The following OSBP variants were observed in gnomAD, a reference collection of about 807,000 sequenced individuals.
OSBP encodes oxysterol-binding protein 1.
In OSBP, 32 loss-of-function variants were observed where a neutral mutation model predicts 96.6. That is an observed-to-expected ratio of 0.33 (90% CI 0.25 to 0.45). OSBP has a LOEUF of 0.45. Ranked by LOEUF, OSBP falls within the 20% of genes least tolerant of loss-of-function variation. The pLI, the probability that OSBP is intolerant of heterozygous loss-of-function variation, is 1.00. For missense variants in OSBP, 653 were observed against 1,029.7 expected, an observed-to-expected ratio of 0.63 and a Z score of 5.01; for synonymous variants, 369 against 389.6, an observed-to-expected ratio of 0.95 and a Z score of 0.62.
chr11:59,583,765 C>T (rs1411235920), intron 9 of OSBP, among the ~76,000 whole-genome samples: 1 of 150,816 alleles, frequency 6.6e-6, no homozygotes, highest in Non-Finnish European at 1.5e-5. Flanking sequence ...CTCAGCCTCC[C>T]GAGTAGCTGG....
rs1860353050 is a variant in OSBP, at chr11:59,575,639, G to T, written c.*938C>A. On this transcript the variant is annotated 3_prime_UTR_variant, in exon 14 of 14. Coordinates refer to ENST00000263847, the MANE Select transcript of OSBP (RefSeq NM_002556.3). ...TTAACTTCTGCTCTCAAATTCTGAA[G>T]TATATCAGAATGGGACAGGCAATGT... is the stretch of plus-strand genomic sequence containing the variant. The T allele has an allele frequency of 6.6e-6, 1 of 152,602 alleles. No homozygotes were observed. The highest frequency in any genetic ancestry group is 2.1e-4 in the South Asian group (1 of 4,824). 9.5% of individuals were successfully genotyped at this position (152,602 alleles called of 1,614,324 possible).
chr11:59,599,998 G>A (rs996859363), intron 7 of OSBP, among the ~76,000 whole-genome samples: 4 of 152,204 alleles, frequency 2.6e-5, no homozygotes, highest in Non-Finnish European at 4.4e-5. Context: ...AGACAGACTG[G>A]AGGAAGACAT....
chr11:59,598,288 C>A (rs774724735), intron 7 of OSBP, among the ~76,000 whole-genome samples: 1 of 152,180 alleles, frequency 6.6e-6, no homozygotes, highest in Non-Finnish European at 1.5e-5. Context: ...TCACAAGGAA[C>A]GCAGTCTATG....
At chr11:59,594,586 A>C (rs1404362754) in intron 7 of OSBP, among the ~76,000 whole-genome samples, 1 of 152,260 alleles carries the variant, frequency 6.6e-6, no homozygotes, top group African/African-American at 2.4e-5. Flanking sequence ...GTTTTTTAAA[A>C]AAGAAATGCA....
intron 1 of OSBP, among the ~76,000 whole-genome samples, chr11:59,611,195 T>C (rs1234668062): frequency 6.7e-6 from 1 of 149,830 alleles, no homozygotes; most frequent in Non-Finnish European, 1.5e-5. Context: ...TACTGAGGTA[T>C]AACTACATGC....
chr11:59,607,297 A>C (rs979724405), intron 3 of OSBP, among the ~76,000 whole-genome samples: 4 of 152,208 alleles, frequency 2.6e-5, no homozygotes, highest in Non-Finnish European at 5.9e-5. Flanking sequence ...GGAATACACG[A>C]CCAGACATCA....
intron 3 of OSBP, among the ~76,000 whole-genome samples, chr11:59,608,078 CAG>C (rs2134675278): frequency 6.6e-6 from 1 of 152,214 alleles, no homozygotes; most frequent in African/African-American, 2.4e-5. Context: ...GGAAGGGACT[CAG>C]GGAGATCTTT....
chr11:59,582,641 G>A (rs1860434908), intron 9 of OSBP, among the ~76,000 whole-genome samples: 1 of 152,200 alleles, frequency 6.6e-6, no homozygotes, highest in Non-Finnish European at 1.5e-5. Context: ...TGAACTTATA[G>A]CCAGTTATCA....
intron 4 of OSBP, 106 bp downstream of exon 4, chr11:59,601,534 A>G: frequency 8.4e-7 from 1 of 1,184,138 alleles, no homozygotes; most frequent in Non-Finnish European, 1.2e-6. Context: ...TTCCAATTCC[A>G]TTTCACATGA....
intron 7 of OSBP, among the ~76,000 whole-genome samples, chr11:59,599,379 G>A (rs1860692962): frequency 6.6e-6 from 1 of 152,090 alleles, no homozygotes; most frequent in Non-Finnish European, 1.5e-5. Flanking sequence ...GGGCCTTAGT[G>A]TGATGACCCC....
Position 59,601,984 on chromosome 11 carries a change from G to A in OSBP, c.823-146C>T, listed in dbSNP as rs551742723. 8.3e-5 allele frequency: 56 copies of A among 671,164 alleles called. 1 individual carries two copies. The South Asian group carries it at 1.1e-3, about 13-fold the overall frequency. 41.6% of individuals were successfully genotyped at this position (671,164 alleles called of 1,614,324 possible). On this transcript the variant is annotated intron_variant, in intron 3 of 13. Coordinates refer to ENST00000263847, the MANE Select transcript of OSBP (RefSeq NM_002556.3). ...CTTTCCCTTTTATGCCAAGGTATCA[G>A]GGACAGCTAGCTCCACGCTGAAATC...
intron 3 of OSBP, among the ~76,000 whole-genome samples, chr11:59,606,194 C>T (rs1860777970): frequency 1.3e-5 from 2 of 152,164 alleles, no homozygotes; most frequent in Non-Finnish European, 2.9e-5. Flanking sequence ...CATATCTGCC[C>T]TCAGCAATAT....
At chr11:59,603,594 T>A (rs1297773784) in intron 3 of OSBP, among the ~76,000 whole-genome samples, 2 of 144,976 alleles carry the variant, frequency 1.4e-5, no homozygotes, top group African/African-American at 5.1e-5. Flanking sequence ...TGGAGTGCAG[T>A]GGCACAATCA....
intron 11 of OSBP, among the ~76,000 whole-genome samples, chr11:59,579,966 C>G (rs572942486): frequency 1.1e-3 from 161 of 152,274 alleles, no homozygotes; most frequent in Middle Eastern, 6.8e-3. Flanking sequence ...TCTGCCTCAG[C>G]CTCCCAAAGT....
In OSBP at chr11:59,594,624, G is replaced by A. The variant is rs149292173; in HGVS notation, c.1312-369C>T. ...GTATTTTAGCACAAGTATACCCAGAGAGGAAATCAGGTATTTAAAATTCTT... is the reference window on the plus strand; with the variant it reads ...GTATTTTAGCACAAGTATACCCAGAAAGGAAATCAGGTATTTAAAATTCTT... On this transcript the variant is annotated intron_variant, in intron 7 of 13. Coordinates refer to ENST00000263847, the MANE Select transcript of OSBP (RefSeq NM_002556.3). Among the ~76,000 whole-genome samples, 181 of 152,332 alleles carry A rather than the reference G, an allele frequency of 1.2e-3. 2 individuals are homozygous for A. The highest frequency in any genetic ancestry group is 1.5e-3 in the Non-Finnish European group (104 of 68,038).
At chr11:59,587,266 C>T (rs975562968) in intron 9 of OSBP, among the ~76,000 whole-genome samples, 6 of 151,966 alleles carry the variant, frequency 3.9e-5, no homozygotes, top group African/African-American at 1.2e-4. Context: ...TTTGGGAAGC[C>T]GAGGCAGGCA....
At chr11:59,586,272 TTATACA>T (rs1860499338) in intron 9 of OSBP, among the ~76,000 whole-genome samples, 1 of 151,970 alleles carries the variant, frequency 6.6e-6, no homozygotes, top group South Asian at 2.1e-4. Context: ...TGCATTTCTA[TTATACA>T]TTAACAATGA....
chr11:59,580,117 T>C (rs1320388393), intron 11 of OSBP, 57 bp downstream of exon 11: 2 of 1,127,270 alleles, frequency 1.8e-6, no homozygotes, highest in African/African-American at 3.1e-5. Flanking sequence ...CCTAAAGGAG[T>C]ATGCTTTCTA....
At chr11:59,581,629 GGATTAATTTCCTTCTATT>G (rs1305673331) in intron 9 of OSBP, 75 bp from the exon 10 acceptor site, 4 of 696,772 alleles carry the variant, frequency 5.7e-6, no homozygotes, top group Non-Finnish European at 1.1e-5. Flanking sequence ...AAACAGTAAT[GGATTAATTTCCTTCTATT>G]GATATTTATT....
Sources: gnomAD v4.1 joint callset for allele counts (sites outside exome capture counted in the v4.1 genomes callset) on GRCh38, gnomAD v4.1.1 for gene constraint, MANE v1.5 for transcripts, NCBI Gene and HGNC (gene_info 2026-07-23, HGNC 2026-07-21) for gene names.